The following LY96 variants were observed in gnomAD, a reference collection of about 807,000 sequenced individuals.
The protein encoded by LY96 is myeloid differentiation protein-2.
A neutral mutation model predicts 18.9 loss-of-function variants in LY96; 18 were observed. The observed-to-expected ratio is 0.95, with a 90% confidence interval of 0.66 to 1.41. LY96 has a LOEUF of 1.41. Ranked by LOEUF, LY96 falls within the 40% of genes most tolerant of loss-of-function variation. The probability of loss-of-function intolerance (pLI) is 0.00; values close to 1 mark genes in which losing one functional copy is unlikely to be tolerated. For missense variants in LY96, 175 were observed against 182.4 expected (o/e 0.96, Z 0.23); for synonymous variants, 66 against 62.6 (o/e 1.06, Z -0.26).
the LY96 span, among the ~76,000 whole-genome samples, chr8:74,070,541 T>C: frequency 6.6e-6 from 1 of 152,194 alleles, no homozygotes; most frequent in Non-Finnish European, 1.5e-5. Context: ...ACTATGATCA[T>C]TCTTCTTTTT....
the LY96 span, among the ~76,000 whole-genome samples, chr8:74,082,713 A>T: frequency 6.6e-6 from 1 of 152,158 alleles, no homozygotes; most frequent in Admixed American, 6.5e-5. Context: ...ATTCAAGTAA[A>T]CAGGTGCACT....
the LY96 span, among the ~76,000 whole-genome samples, chr8:74,071,478 TA>T: frequency 1.7e-4 from 26 of 151,366 alleles, no homozygotes; most frequent in East Asian, 2.5e-3. Flanking sequence ...CCTTTTGTAA[TA>T]AAAAAAAATT....
the LY96 span, among the ~76,000 whole-genome samples, chr8:74,092,127 G>A: frequency 6.6e-6 from 1 of 152,112 alleles, no homozygotes; most frequent in African/African-American, 2.4e-5. Flanking sequence ...TTCTTACCTG[G>A]CTATAATTCA....
At chr8:74,088,515 C>G in the LY96 span, among the ~76,000 whole-genome samples, 1 of 152,192 alleles carries the variant, frequency 6.6e-6, no homozygotes, top group Non-Finnish European at 1.5e-5. Context: ...TCAGTCTCAT[C>G]TCTTCCCTCC....
chr8:73,998,309 T>C (rs1816192809), intron 1 of LY96, among the ~76,000 whole-genome samples: 1 of 152,118 alleles, frequency 6.6e-6, no homozygotes, highest in Admixed American at 6.5e-5. Context: ...AGACAAAATA[T>C]ATGTTTCTTA....
chr8:74,012,468 G>A (rs1302075086), intron 3 of LY96, among the ~76,000 whole-genome samples: 2 of 152,160 alleles, frequency 1.3e-5, no homozygotes, highest in African/African-American at 2.4e-5. Context: ...CCACTCATAA[G>A]TGGGTGCTAA....
intron 2 of LY96, among the ~76,000 whole-genome samples, chr8:74,007,155 G>T (rs1008511069): frequency 6.6e-6 from 1 of 152,182 alleles, no homozygotes; most frequent in Admixed American, 6.5e-5. Flanking sequence ...TGACAGGCGG[G>T]AGTAGCCTGG....
intron 3 of LY96, among the ~76,000 whole-genome samples, chr8:74,012,356 TA>T (rs1174275326): frequency 1.3e-5 from 2 of 152,104 alleles, no homozygotes; most frequent in East Asian, 3.9e-4. Flanking sequence ...ATTAAGCCAT[TA>T]AAAAAATGAA....
chr8:74,022,267 T>C (rs1816780013), intron 3 of LY96, among the ~76,000 whole-genome samples: 1 of 151,824 alleles, frequency 6.6e-6, no homozygotes, highest in South Asian at 2.1e-4. Flanking sequence ...AGTAGATGGG[T>C]GTGGTAGCAC....
the LY96 span, among the ~76,000 whole-genome samples, chr8:74,070,375 G>A: frequency 1.3e-5 from 2 of 152,152 alleles, no homozygotes; most frequent in African/African-American, 4.8e-5. Context: ...ACAGGCGTGA[G>A]CCACCGCGCC....
At chr8:74,016,284 C>T (rs888903437) in intron 3 of LY96, among the ~76,000 whole-genome samples, 1 of 152,254 alleles carries the variant, frequency 6.6e-6, no homozygotes, top group Non-Finnish European at 1.5e-5. Context: ...CAAGATTGAA[C>T]TGCAAGGCAG....
chr8:74,025,702 AAG>A (rs1320838742), intron 3 of LY96, among the ~76,000 whole-genome samples: 2 of 151,464 alleles, frequency 1.3e-5, no homozygotes, highest in African/African-American at 4.9e-5. Flanking sequence ...GCTTTAAAGA[AAG>A]AGCAAAAAGA....
chr8:74,021,817 A>G (rs1816767466), intron 3 of LY96, among the ~76,000 whole-genome samples: 1 of 152,154 alleles, frequency 6.6e-6, no homozygotes, highest in African/African-American at 2.4e-5. Flanking sequence ...AAACTATTGT[A>G]AGGACAGAAA....
At chr8:74,032,120 G>A (rs1816981934), downstream of LY96, among the ~76,000 whole-genome samples, 2 of 152,074 alleles carry the variant, frequency 1.3e-5, no homozygotes, top group Non-Finnish European at 2.9e-5. Context: ...GCAAGATCCT[G>A]TCTCAAAAAA....
chr8:74,037,446 C>G, the LY96 span, among the ~76,000 whole-genome samples: 1 of 151,964 alleles, frequency 6.6e-6, no homozygotes, highest in African/African-American at 2.4e-5. Flanking sequence ...CTGAGCAACA[C>G]TGTGAGACCC....
intron 2 of LY96, among the ~76,000 whole-genome samples, chr8:74,007,406 A>C (rs1456407941): frequency 6.6e-6 from 1 of 152,230 alleles, no homozygotes; most frequent in African/African-American, 2.4e-5. Context: ...TTCATTAACA[A>C]AATAATTATT....
At chr8:73,997,929 C>G (rs1254937223) in intron 1 of LY96, among the ~76,000 whole-genome samples, 1 of 152,168 alleles carries the variant, frequency 6.6e-6, no homozygotes, top group East Asian at 1.9e-4. Context: ...ATGTGTTCAC[C>G]AACCCAGAAG....
At chr8:74,047,834 T>C in the LY96 span, among the ~76,000 whole-genome samples, 2 of 152,228 alleles carry the variant, frequency 1.3e-5, no homozygotes, top group Non-Finnish European at 2.9e-5. Context: ...AATCTGATAA[T>C]ATCATTACCC....
intron 3 of LY96, among the ~76,000 whole-genome samples, chr8:74,015,662 G>A (rs1816626120): frequency 6.6e-6 from 1 of 152,114 alleles, no homozygotes; most frequent in African/African-American, 2.4e-5. Context: ...TCTTTTTGGG[G>A]GACACAATTC....
Sources: gnomAD v4.1 joint callset for allele counts (sites outside exome capture counted in the v4.1 genomes callset) on GRCh38, gnomAD v4.1.1 for gene constraint, MANE v1.5 for transcripts, NCBI Gene and HGNC (gene_info 2026-07-23, HGNC 2026-07-21) for gene names.